Variants in FGFR4 observed in about 807,000 individuals in gnomAD.
FGFR4 encodes fibroblast growth factor receptor 4.
Under a neutral mutation model 89.9 loss-of-function variants are expected in FGFR4, and 63 were observed. The observed-to-expected ratio is 0.70, with a 90% CI of 0.57 to 0.86. The LOEUF (loss-of-function observed/expected upper bound fraction) is 0.86, where lower values mean the gene tolerates loss of function less well. Among genes scored for constraint, FGFR4 ranks in the 40% least tolerant of loss-of-function variants. The pLI is 0.00. For missense variants in FGFR4, 928 were observed against 1,106.7 expected, an observed-to-expected ratio of 0.84 and a Z score of 2.29; for synonymous variants, 486 against 479.4, an observed-to-expected ratio of 1.01 and a Z score of -0.18.
At position 177,096,650 on chromosome 5, in the gene FGFR4, T is replaced by G; in HGVS notation, c.2062T>G (p.Ser688Ala). 1.2e-6 allele frequency: 2 copies of G among 1,612,784 alleles called. No homozygotes were observed. Among genetic ancestry groups the G allele is most frequent in the Non-Finnish European group, 1.7e-6 (2 of 1,179,426 alleles). Residue 688 changes from serine to alanine, a missense_variant, in exon 16 of 18, where the codon TCC becomes GCC. Coordinates refer to ENST00000292408, the MANE Select transcript of FGFR4 (RefSeq NM_213647.3). ...LLWEIFTLGGSPYPGIPVEEL... is the reference protein window; with the variant it reads ...LLWEIFTLGGAPYPGIPVEEL... The stretch of plus-strand genomic sequence containing the variant: ...ATGGGAGATCTTCACCCTCGGGGGC[T>G]CCCCGTATCCTGGCATCCCGGTGGA...
intron 15 of FGFR4, 54 bp downstream of exon 15, chr5:177,096,411 C>T (rs1784564218): frequency 6.2e-7 from 1 of 1,603,810 alleles, no homozygotes; most frequent in Non-Finnish European, 8.5e-7. Flanking sequence ...AAGGCACTGC[C>T]CAAAGTCACG....
At position 177,097,771 on chromosome 5, in the gene FGFR4, G is replaced by A. The variant is rs1784664742; in HGVS notation, c.*95G>A. The A allele has an allele frequency of 6.8e-7, 1 of 1,470,898 alleles. No individual in the cohort carries two copies. The highest frequency in any genetic ancestry group is 9.1e-7 in the Non-Finnish European group (1 of 1,101,676). The allele number at this position is 1,470,898 out of a possible 1,614,324, so 91.1% of individuals were successfully genotyped here. A position where few individuals can be genotyped will look rare whatever the true frequency, so the allele number is the denominator to read the frequency against. ...ACAGTGCTCGACCTTGATAGCATGG[G>A]GCCCCTGGCCCAGAGTTGCTGTGCC... On this transcript the variant is annotated 3_prime_UTR_variant, in exon 18 of 18. Transcript: ENST00000292408.
chr5:177,092,652 G>A lies in FGFR4; in HGVS notation c.925G>A (p.Asp309Asn), dbSNP rs2149734271. Reference sequence around the variant, plus strand: ...AGCATGTCCCCCACCCCAGACTGCAGACATCAATAGCTCAGAGGTGGAGGT... The same window carrying A: ...AGCATGTCCCCCACCCCAGACTGCAAACATCAATAGCTCAGAGGTGGAGGT... The part of the protein sequence containing the change: ...FPYVQVLKTA[D>N]INSSEVEVLY... The change falls in exon 8 of 18, where the codon GAC becomes AAC. Residue 309 changes from aspartate (D) to asparagine (N), a missense_variant. By Grantham distance (23) the Asp-to-Asn change is conservative. Coordinates refer to ENST00000292408, the MANE Select transcript of FGFR4 (RefSeq NM_213647.3). The A allele has an allele frequency of 2.5e-6, 4 of 1,605,232 alleles. No individual in the cohort carries two copies. Among genetic ancestry groups the A allele is most frequent in the South Asian group, 1.1e-5 (1 of 90,770 alleles).
rs760273441 is a variant in FGFR4, at chr5:177,093,564, G to A, written c.1397+13G>A. ...TCCCCCGGGACAGGTGCGCTGAGCT[G>A]TGTGGGGGCAGGGACGCGGGCGCCG... is the stretch of plus-strand genomic sequence containing the variant. On this transcript the variant is annotated intron_variant, in intron 10 of 17. Coordinates refer to ENST00000292408, the MANE Select transcript of FGFR4 (RefSeq NM_213647.3). The surrounding 1 kb of genome is among the most constrained non-coding windows in gnomAD (Gnocchi z 5.8). The A allele has an allele frequency of 1.9e-6, 3 of 1,612,676 alleles. No homozygotes were observed. The African/African-American group carries it at 4.0e-5, about 22-fold the overall frequency.
intron 1 of FGFR4, among the ~76,000 whole-genome samples, chr5:177,089,086 C>T (rs1482895262): frequency 2.6e-5 from 4 of 152,172 alleles, no homozygotes; most frequent in African/African-American, 9.7e-5. Context: ...CTGGAAATGT[C>T]AGTAATGCTG....
rs483352775 is a variant in FGFR4 at position 177,095,586 on chromosome 5, C to T, written c.1684C>T (p.Leu562=). The change falls in exon 13 of 18, where the codon CTG becomes TTG. Residue 562 remains leucine, a synonymous_variant. Coordinates refer to ENST00000292408, the MANE Select transcript of FGFR4 (RefSeq NM_213647.3). This position sits in a 1 kb window ranked among gnomAD's most constrained non-coding sequence, Gnocchi z 5.7. ...CGCCAAGGGAAACCTGCGGGAGTTC[C>T]TGCGGGCCCGGCGCCCCCCAGGCCC... ...CAAKGNLREF[L]RARRPPGPDL... The T allele has an allele frequency of 5.6e-6, 9 of 1,608,432 alleles. No individual in the cohort carries two copies. Among genetic ancestry groups the T allele is most frequent in the Non-Finnish European group, 7.6e-6 (9 of 1,178,128 alleles).
chr5:177,089,837 C>T (rs1784287143), intron 2 of FGFR4, 144 bp downstream of exon 2: 1 of 1,002,678 alleles, frequency 1.0e-6, no homozygotes, highest in African/African-American at 1.6e-5. Flanking sequence ...CACTGAGACT[C>T]AGTCAGTGCC....
chr5:177,090,405 C>T lies in FGFR4; in HGVS notation c.107C>T (p.Pro36Leu). The T allele has an allele frequency of 6.2e-7, 1 of 1,602,662 alleles. No individual in the cohort carries two copies. Residue 36 changes from proline to leucine, a missense_variant, in exon 3 of 18, where the codon CCC (proline) becomes CTC (leucine). Coordinates refer to ENST00000292408, the MANE Select transcript of FGFR4 (RefSeq NM_213647.3). ...CTGCCCACAGAGCCCTGCCTGGCTC[C>T]CAGCCTGGAGCAGCAAGAGCAGGAG... ...EEVELEPCLA[P>L]SLEQQEQELT...
chr5:177,091,588 A>T, intron 5 of FGFR4, 97 bp from the exon 6 acceptor site: 1 of 1,522,414 alleles, frequency 6.6e-7, no homozygotes, highest in Non-Finnish European at 8.9e-7. Context: ...AGAGCTTGAC[A>T]AGAGCCCTGT....
At chr5:177,091,896 T>A in intron 6 of FGFR4, 88 bp downstream of exon 6, 1 of 1,541,402 alleles carries the variant, frequency 6.5e-7, no homozygotes, top group Non-Finnish European at 8.9e-7. Context: ...GCAGGCAGGA[T>A]GGACTCAGAT....
Position 177,087,535 on chromosome 5 carries a change from T to G in FGFR4, c.-54+458T>G. ...TGAAGGAGAACCCAGGACTGTCTGA[T>G]GCCTAAGGCAGGCCCTCCATTCCCA... On this transcript the variant is annotated intron_variant, in intron 1 of 17. Coordinates refer to ENST00000292408, the MANE Select transcript of FGFR4 (RefSeq NM_213647.3). The surrounding 1 kb of genome is among the most constrained non-coding windows in gnomAD (Gnocchi z 6.1). 1.0e-6 allele frequency: 1 copy of G among 973,802 alleles called. No individual in the cohort carries two copies. The highest frequency in any genetic ancestry group is 1.2e-6 in the Non-Finnish European group (1 of 819,448). 60.3% of individuals were successfully genotyped at this position (973,802 alleles called of 1,614,324 possible).
In FGFR4 at chr5:177,089,527, G is replaced by A. The variant is rs138229314; in HGVS notation, c.-53-23G>A. 175 of 1,533,940 alleles carry A rather than the reference G, an allele frequency of 1.1e-4. No homozygotes were observed. The African/African-American group carries it at 2.2e-3, about 19-fold the overall frequency. On this transcript the variant is annotated intron_variant, in intron 1 of 17. Coordinates refer to ENST00000292408, the MANE Select transcript of FGFR4 (RefSeq NM_213647.3). The stretch of plus-strand genomic sequence containing the variant: ...CCACAAAGGTGCACGTGTAGCAGGA[G>A]CTCTTTTCCCTCCCTATTTTAGGAA...
At chr5:177,089,302 G>A (rs1286798878) in intron 1 of FGFR4, among the ~76,000 whole-genome samples, 4 of 152,178 alleles carry the variant, frequency 2.6e-5, no homozygotes, top group Non-Finnish European at 5.9e-5. Flanking sequence ...GTGAACGTGT[G>A]CCAGGGTCCC....
Position 177,090,798 on chromosome 5 carries a change from T to C in FGFR4, c.409T>C (p.Ser137Pro), listed in dbSNP as rs560823913. 14 of 1,614,040 alleles carry C rather than the reference T, an allele frequency of 8.7e-6. No homozygotes were observed. The South Asian group carries it at 1.4e-4, about 16-fold the overall frequency. Residue 137 changes from serine (S) to proline (P), a missense_variant, in exon 4 of 18, where the codon TCG becomes CCG. By Grantham distance (74) the Ser-to-Pro change is moderately conservative (BLOSUM62 -1). This residue lies in a region of FGFR4 where 741 missense variants were observed against 836.9 expected (regional missense o/e 0.89). Transcript: ENST00000292408. ...DEDPKSHRDPSNRHSYPQQAP... is the reference protein window; with the variant it reads ...DEDPKSHRDPPNRHSYPQQAP... ...GGACCCCAAGTCCCATAGGGACCCCTCGAATAGGCACAGTTACCCCCAGCA... is the reference window on the plus strand; with the variant it reads ...GGACCCCAAGTCCCATAGGGACCCCCCGAATAGGCACAGTTACCCCCAGCA...
Position 177,090,791 on chromosome 5 carries a change from G to T in FGFR4, c.402G>T (p.Arg134Ser), listed in dbSNP as rs1193471254. ...SNDDEDPKSH[R>S]DPSNRHSYPQ... Reference sequence around the variant, plus strand: ...ATGATGAGGACCCCAAGTCCCATAGGGACCCCTCGAATAGGCACAGTTACC... The same window carrying T: ...ATGATGAGGACCCCAAGTCCCATAGTGACCCCTCGAATAGGCACAGTTACC... The change falls in exon 4 of 18, where the codon AGG becomes AGT. Residue 134 changes from arginine (R) to serine (S), a missense_variant. This residue lies in a region of FGFR4 where 741 missense variants were observed against 836.9 expected (regional missense o/e 0.89). Transcript: ENST00000292408. 1 of 1,613,802 alleles carries T rather than the reference G, an allele frequency of 6.2e-7. No individual in the cohort carries two copies. The highest frequency in any genetic ancestry group is 1.3e-5 in the African/African-American group (1 of 74,978).
chr5:177,096,824 C>A (rs113262579), intron 16 of FGFR4, 83 bp downstream of exon 16: 15,195 of 1,505,374 alleles, frequency 0.01, 107 homozygotes, highest in Non-Finnish European at 0.012. Context: ...TGTGTCCCGG[C>A]CAGAAGGACA....
Position 177,097,898 on chromosome 5 carries a change from C to T in FGFR4, c.*222C>T, listed in dbSNP as rs943304637. 22 of 470,090 alleles carry T rather than the reference C, an allele frequency of 4.7e-5. No homozygotes were observed. The highest frequency in any genetic ancestry group is 4.1e-4 in the African/African-American group (21 of 50,802). The allele number at this position is 470,090 out of a possible 1,614,324, so 29.1% of individuals were successfully genotyped here. On this transcript the variant is annotated 3_prime_UTR_variant, in exon 18 of 18. Transcript: ENST00000292408. ...GGCTTCTTGGACCTTGGCGCTTAGTCCCCATCCCGGGTTTGGCTGAGCCTG... is the reference window on the plus strand; with the variant it reads ...GGCTTCTTGGACCTTGGCGCTTAGTTCCCATCCCGGGTTTGGCTGAGCCTG...
intron 1 of FGFR4, among the ~76,000 whole-genome samples, chr5:177,088,840 A>G (rs1293418629): frequency 7.7e-6 from 1 of 130,096 alleles, no homozygotes; most frequent in African/African-American, 2.8e-5. Flanking sequence ...TCTCTCTTTT[A>G]TCCTCAAAAC....
chr5:177,097,696 A>G lies in FGFR4; in HGVS notation c.*20A>G, dbSNP rs777840386. The G allele has an allele frequency of 3.7e-6, 6 of 1,609,468 alleles. No homozygotes were observed. In the African/African-American group the frequency reaches 5.3e-5, roughly 14 times the overall value. On this transcript the variant is annotated 3_prime_UTR_variant, in exon 18 of 18. Coordinates refer to ENST00000292408, the MANE Select transcript of FGFR4 (RefSeq NM_213647.3). ...ACATGAGCAAGGCTCAAGGCTGTGC[A>G]GGCACATAGGCTGGTGGCCTTGGGC...
Sources: gnomAD v4.1 joint callset for allele counts (sites outside exome capture counted in the v4.1 genomes callset) on GRCh38, gnomAD v4.1.1 for gene constraint, gnomAD v4.1.1 regional missense constraint, Gnocchi (gnomAD v3.1) non-coding constraint, MANE v1.5 for transcripts, NCBI Gene and HGNC (gene_info 2026-07-23, HGNC 2026-07-21) for gene names.